The following LRP1B variants were observed in gnomAD, a reference collection of about 807,000 sequenced individuals.
LRP1B encodes the protein low-density lipoprotein receptor-related protein 1B.
Under a neutral mutation model 556.6 loss-of-function variants are expected in LRP1B, and 217 were observed. The observed-to-expected ratio is 0.39, with a 90% confidence interval of 0.35 to 0.44. The LOEUF is 0.44. LRP1B is among the 20% of genes least tolerant of loss of function. The pLI, the probability that LRP1B is intolerant of heterozygous loss-of-function variation, is 1.00. For synonymous variants in LRP1B, 2,047 were observed against 1,865.8 expected (o/e 1.10, Z -2.50); for missense variants, 5,053 against 5,620.8 (o/e 0.90, Z 3.23).
chr2:140,245,187 T>C (rs1681097748), intron 87 of LRP1B, among the ~76,000 whole-genome samples: 1 of 151,326 alleles, frequency 6.6e-6, no homozygotes, highest in Admixed American at 6.6e-5. Context: ...TTCAGAATCA[T>C]TGGAAAGGGT....
At chr2:140,771,091 A>G in intron 33 of LRP1B, 85 bp from the exon 34 acceptor site, 2 of 908,516 alleles carry the variant, frequency 2.2e-6, no homozygotes, top group South Asian at 3.3e-5. Context: ...TTTGACAAAT[A>G]TGTATGCTAT....
chr2:141,399,507 A>C (rs910395976), intron 3 of LRP1B, among the ~76,000 whole-genome samples: 6 of 152,126 alleles, frequency 3.9e-5, no homozygotes, highest in Admixed American at 1.3e-4. Flanking sequence ...CAAACTGCAG[A>C]TCTTTAAACT....
At chr2:140,778,274 A>C (rs1157716723) in intron 32 of LRP1B, among the ~76,000 whole-genome samples, 1 of 152,214 alleles carries the variant, frequency 6.6e-6, no homozygotes, top group East Asian at 1.9e-4. Context: ...GACTATGGCT[A>C]TTCAGAGTTC....
intron 15 of LRP1B, among the ~76,000 whole-genome samples, chr2:141,000,129 A>G (rs543653919): frequency 2.6e-5 from 4 of 151,716 alleles, no homozygotes; most frequent in Non-Finnish European, 4.4e-5. Flanking sequence ...ATGTTCCCCA[A>G]GCTGGTCTTG....
intron 89 of LRP1B, among the ~76,000 whole-genome samples, chr2:140,237,566 A>G (rs1680763711): frequency 6.6e-6 from 1 of 150,892 alleles, no homozygotes; most frequent in Admixed American, 6.6e-5. Context: ...TCTTGTAAGT[A>G]TCCAGTTCCT....
intron 3 of LRP1B, among the ~76,000 whole-genome samples, chr2:141,336,006 G>A (rs780492270): frequency 6.1e-5 from 9 of 147,188 alleles, no homozygotes; most frequent in Non-Finnish European, 1.2e-4. Context: ...TGGGATTGTG[G>A]TTTAGGCTCG....
chr2:140,715,940 A>C (rs1212768457), intron 37 of LRP1B, 33 bp downstream of exon 37: 16 of 1,494,702 alleles, frequency 1.1e-5, no homozygotes, highest in Admixed American at 4.1e-5. Flanking sequence ...ACTCACATAA[A>C]ACTTGGAAGA....
chr2:141,799,749 G>T (rs570630010), intron 2 of LRP1B, among the ~76,000 whole-genome samples: 9 of 151,904 alleles, frequency 5.9e-5, no homozygotes, highest in Admixed American at 2.0e-4. Context: ...TAAAAAAACT[G>T]ATTCAAAAAT....
chr2:140,766,822 A>AATATATATATATATATATATATATATAT (rs34690760), intron 35 of LRP1B, among the ~76,000 whole-genome samples: 1 of 105,642 alleles, frequency 9.5e-6, no homozygotes, highest in East Asian at 3.4e-4. Flanking sequence ...ATCTTTGTAA[A>AATATATATATATATATATATATATATAT]ATATATATAT....
chr2:141,384,332 C>T (rs1394756938), intron 3 of LRP1B, among the ~76,000 whole-genome samples: 2 of 151,946 alleles, frequency 1.3e-5, no homozygotes, highest in Non-Finnish European at 2.9e-5. Flanking sequence ...AAGGTAACTA[C>T]ATAGCTAAAT....
At chr2:141,238,825 C>A (rs997809791) in intron 5 of LRP1B, among the ~76,000 whole-genome samples, 7 of 151,982 alleles carry the variant, frequency 4.6e-5, no homozygotes, top group African/African-American at 1.7e-4. Context: ...AATTTGGAAA[C>A]CTTGCCAAGA....
chr2:140,340,179 C>T (rs895823398), intron 77 of LRP1B, among the ~76,000 whole-genome samples: 12 of 151,150 alleles, frequency 7.9e-5, no homozygotes, highest in African/African-American at 2.9e-4. Flanking sequence ...TTTATTCACA[C>T]TATCAGAAAA....
At position 141,464,607 on chromosome 2, in the gene LRP1B, T is replaced by TA. The variant is rs1295526699; in HGVS notation, c.343+15788_343+15789insT. 4.3e-3 allele frequency among the ~76,000 whole-genome samples: 258 copies of TA among 59,886 alleles called. 13 individuals are homozygous for TA. Among genetic ancestry groups the TA allele is most frequent in the African/African-American group, 0.014 (233 of 17,106 alleles). 39.3% of individuals were successfully genotyped at this position (59,886 alleles called of 152,430 possible). ...TTGTATATATATATATATATATATATTTTTTTAGTAGAGATGGGGTTTCAC... is the reference window on the plus strand; with the variant it reads ...TTGTATATATATATATATATATATATATTTTTTAGTAGAGATGGGGTTTCAC... On this transcript the variant is annotated intron_variant, in intron 3 of 90. Coordinates refer to ENST00000389484, the MANE Select transcript of LRP1B (RefSeq NM_018557.3).
chr2:140,262,134 G>A (rs1681973428), intron 86 of LRP1B, among the ~76,000 whole-genome samples: 2 of 152,136 alleles, frequency 1.3e-5, no homozygotes, highest in South Asian at 4.1e-4. Flanking sequence ...TTTGCTACTT[G>A]ACTACAATGC....
chr2:140,305,632 A>T (rs977020493), intron 83 of LRP1B, among the ~76,000 whole-genome samples: 1 of 152,096 alleles, frequency 6.6e-6, no homozygotes, highest in African/African-American at 2.4e-5. Context: ...TTCCTAATTG[A>T]ATACCCTTTA....
intron 87 of LRP1B, among the ~76,000 whole-genome samples, chr2:140,245,579 T>G (rs1244541710): frequency 1.3e-5 from 2 of 151,434 alleles, no homozygotes; most frequent in African/African-American, 4.8e-5. Flanking sequence ...TACAGCTTGA[T>G]AACTTCAAAT....
intron 7 of LRP1B, among the ~76,000 whole-genome samples, chr2:141,120,369 G>T (rs1701017053): frequency 6.6e-6 from 1 of 151,720 alleles, no homozygotes; most frequent in South Asian, 2.1e-4. Flanking sequence ...AGTAATAAGG[G>T]TTTTTTAAAA....
At chr2:140,836,201 A>G (rs1691896813) in intron 31 of LRP1B, among the ~76,000 whole-genome samples, 1 of 152,208 alleles carries the variant, frequency 6.6e-6, no homozygotes, top group Admixed American at 6.5e-5. Flanking sequence ...TTGCTAGAAC[A>G]TGAGATATTG....
At chr2:141,326,795 G>A (rs996743038) in intron 3 of LRP1B, among the ~76,000 whole-genome samples, 1 of 152,172 alleles carries the variant, frequency 6.6e-6, no homozygotes, top group African/African-American at 2.4e-5. Flanking sequence ...ACCTGTTTGT[G>A]CAAACCCAGA....
Sources: gnomAD v4.1 joint callset for allele counts (sites outside exome capture counted in the v4.1 genomes callset) on GRCh38, gnomAD v4.1.1 for gene constraint, MANE v1.5 for transcripts, NCBI Gene and HGNC (gene_info 2026-07-23, HGNC 2026-07-21) for gene names.